WWOX: variants seen among roughly 807,000 people sequenced by gnomAD.
WWOX encodes the protein WW domain containing oxidoreductase, also known as WW domain-containing oxidoreductase.
In WWOX, 69 loss-of-function variants were observed where a neutral mutation model predicts 46.2. That is an observed-to-expected ratio of 1.49 (90% CI 1.23 to 1.82). The LOEUF is 1.82. Ranked by LOEUF, WWOX falls within the 40% of genes most tolerant of loss-of-function variation. WWOX has a pLI of 0.00. For synonymous variants in WWOX, 359 were observed against 202.6 expected, an observed-to-expected ratio of 1.77 and a Z score of -6.56; for missense variants, 919 against 542.6, an observed-to-expected ratio of 1.69 and a Z score of -6.89.
At chr16:79,083,136 A>C (rs1410826670) in intron 8 of WWOX, among the ~76,000 whole-genome samples, 1 of 152,204 alleles carries the variant, frequency 6.6e-6, no homozygotes, top group East Asian at 1.9e-4. Flanking sequence ...TTGGGAGCCC[A>C]GTGTGAGTCA....
At chr16:78,933,037 T>C (rs1379896667) in intron 8 of WWOX, among the ~76,000 whole-genome samples, 1 of 152,208 alleles carries the variant, frequency 6.6e-6, no homozygotes, top group Non-Finnish European at 1.5e-5. Flanking sequence ...TAAGAGTTTC[T>C]ATGAGACAGA....
chr16:78,496,338 T>C (rs1210975855), intron 8 of WWOX: 5 of 152,396 alleles, frequency 3.3e-5, no homozygotes, highest in South Asian at 4.1e-4. Flanking sequence ...TCTAAAGTTA[T>C]AGATGAGTGC....
In WWOX at chr16:79,211,507, C is replaced by G. The variant is rs143529599; in HGVS notation, c.1057-101C>G. On this transcript the variant is annotated intron_variant, in intron 8 of 8. Coordinates refer to ENST00000566780, the MANE Select transcript of WWOX (RefSeq NM_016373.4). ...ATGCCAAGATCCAGCTGAAACTGAA[C>G]CAGGTGGGGGAGGCCTGCTAATGCC... 3.2e-5 allele frequency: 47 copies of G among 1,480,388 alleles called. No homozygotes were observed. In the East Asian group the frequency reaches 9.3e-4, roughly 29 times the overall value. 91.7% of individuals were successfully genotyped at this position (1,480,388 alleles called of 1,614,324 possible).
intron 8 of WWOX, chr16:78,825,852 AC>A: frequency 1.6e-6 from 1 of 630,700 alleles, no homozygotes; most frequent in Non-Finnish European, 2.9e-6. Flanking sequence ...CTGCCCTGGG[AC>A]CCCGCTGGTA....
At chr16:78,534,006 A>ATG (rs1355117170) in intron 8 of WWOX, among the ~76,000 whole-genome samples, 1 of 152,190 alleles carries the variant, frequency 6.6e-6, no homozygotes, top group Non-Finnish European at 1.5e-5. Flanking sequence ...AAACTAGAGG[A>ATG]TGAATGAGTG....
chr16:78,320,459 C>G (rs889800722), intron 5 of WWOX, among the ~76,000 whole-genome samples: 6 of 152,170 alleles, frequency 3.9e-5, no homozygotes, highest in Non-Finnish European at 8.8e-5. Context: ...AAGTCCCTAG[C>G]TGTTTCCAGA....
chr16:79,080,725 G>C (rs530937238), intron 8 of WWOX, among the ~76,000 whole-genome samples: 1 of 152,144 alleles, frequency 6.6e-6, no homozygotes, highest in Non-Finnish European at 1.5e-5. Context: ...CCAGCCACTT[G>C]GGAGGCTGAA....
chr16:78,378,108 G>T (rs370573376), intron 5 of WWOX, among the ~76,000 whole-genome samples: 2 of 151,674 alleles, frequency 1.3e-5, no homozygotes, highest in Admixed American at 6.6e-5. Flanking sequence ...ATCCCCCTGC[G>T]TCCCCCCGCC....
intron 8 of WWOX, among the ~76,000 whole-genome samples, chr16:78,674,973 T>G (rs1285065313): frequency 6.6e-6 from 1 of 152,152 alleles, no homozygotes; most frequent in Non-Finnish European, 1.5e-5. Flanking sequence ...CAGTGAAACA[T>G]GATTAACCAT....
At chr16:79,153,342 G>T (rs967554067) in intron 8 of WWOX, among the ~76,000 whole-genome samples, 2 of 152,110 alleles carry the variant, frequency 1.3e-5, no homozygotes, top group African/African-American at 4.8e-5. Flanking sequence ...ACGCCAAGCC[G>T]CCCTTTCAGT....
At chr16:78,436,427 C>T (rs954801838) in intron 8 of WWOX, among the ~76,000 whole-genome samples, 2 of 152,130 alleles carry the variant, frequency 1.3e-5, no homozygotes, top group Admixed American at 1.3e-4. Flanking sequence ...TAGAAAATAG[C>T]AGCTTTTATA....
chr16:78,899,984 A>T (rs1009265021), intron 8 of WWOX, among the ~76,000 whole-genome samples: 2 of 151,790 alleles, frequency 1.3e-5, no homozygotes, highest in African/African-American at 4.8e-5. Context: ...GGTTTGTTAA[A>T]TTCAGGACTT....
chr16:78,506,704 T>G (rs2085214639), intron 8 of WWOX: 2 of 7,566 alleles, frequency 2.6e-4, no homozygotes, highest in African/African-American at 5.7e-4. Context: ...TGTTTTTTTT[T>G]TTTTTTTTTT....
At chr16:78,451,454 G>A (rs1567581152) in intron 8 of WWOX, among the ~76,000 whole-genome samples, 1 of 152,212 alleles carries the variant, frequency 6.6e-6, no homozygotes, top group Non-Finnish European at 1.5e-5. Flanking sequence ...GTTGCAGAAG[G>A]ATGCAATGTG....
chr16:78,463,943 C>G (rs1174500458), intron 8 of WWOX, among the ~76,000 whole-genome samples: 1 of 152,118 alleles, frequency 6.6e-6, no homozygotes, highest in South Asian at 2.1e-4. Flanking sequence ...GTGGAGCTGC[C>G]TTTCCATTAA....
At position 78,357,620 on chromosome 16, in the gene WWOX, A is replaced by C. The variant is rs2081324890; in HGVS notation, c.517-29240A>C. Among the ~76,000 whole-genome samples, 3 of 152,212 alleles carry C rather than the reference A, an allele frequency of 2.0e-5. No individual in the cohort carries two copies. The South Asian group carries it at 6.2e-4, about 32-fold the overall frequency. On this transcript the variant is annotated intron_variant, in intron 5 of 8. Coordinates refer to ENST00000566780, the MANE Select transcript of WWOX (RefSeq NM_016373.4). ...TATGCTAAACATTTCCATATCATTAATGTTCAACACAGCTTTGTGGTGTTG... is the reference window on the plus strand; with the variant it reads ...TATGCTAAACATTTCCATATCATTACTGTTCAACACAGCTTTGTGGTGTTG...
intron 8 of WWOX, among the ~76,000 whole-genome samples, chr16:78,943,404 C>G (rs2045890363): frequency 6.6e-6 from 1 of 152,250 alleles, no homozygotes; most frequent in Non-Finnish European, 1.5e-5. Context: ...GCCACTCCCC[C>G]AGGCCAGATA....
chr16:78,616,378 G>A (rs80151370), intron 8 of WWOX, among the ~76,000 whole-genome samples: 1 of 152,116 alleles, frequency 6.6e-6, no homozygotes, highest in South Asian at 2.1e-4. Context: ...GGCAGATTCA[G>A]TGTCCGGTGA....
Position 78,961,668 on chromosome 16 carries a change from A to T in WWOX, c.1057-249940A>T, listed in dbSNP as rs55883604. The stretch of plus-strand genomic sequence containing the variant: ...GATCTTCCAGCTTCACGTGCAAGAG[A>T]ATCCCCAAGGTGAGCTTGTTAAAAT... On this transcript the variant is annotated intron_variant, in intron 8 of 8. Transcript: ENST00000566780. 9.9e-3 allele frequency among the ~76,000 whole-genome samples: 1,509 copies of T among 152,154 alleles called. 12 individuals carry two copies. Among genetic ancestry groups the T allele is most frequent in the Non-Finnish European group, 0.017 (1,136 of 67,992 alleles).
Sources: gnomAD v4.1 joint callset for allele counts (sites outside exome capture counted in the v4.1 genomes callset) on GRCh38, gnomAD v4.1.1 for gene constraint, MANE v1.5 for transcripts, NCBI Gene and HGNC (gene_info 2026-07-23, HGNC 2026-07-21) for gene names.